The following LRRC7 variants were observed in gnomAD, a reference collection of about 807,000 sequenced individuals.
LRRC7 encodes leucine rich repeat containing 7.
LRRC7 carries 23 observed loss-of-function variants against 175.7 expected under a neutral mutation model. That is an observed-to-expected ratio of 0.13 (90% confidence interval 0.09 to 0.19). LRRC7 has a LOEUF of 0.19. LRRC7 is among the 10% of genes least tolerant of loss of function. The pLI is 1.00. For synonymous variants in LRRC7, 685 were observed against 680.9 expected (o/e 1.01, Z -0.09); for missense variants, 1,354 against 1,904.7 (o/e 0.71, Z 5.38).
chr1:69,898,220 G>A (rs1646033688), intron 7 of LRRC7, among the ~76,000 whole-genome samples: 1 of 152,150 alleles, frequency 6.6e-6, no homozygotes, highest in Non-Finnish European at 1.5e-5. Context: ...GGGAGATGAT[G>A]AATTTTGTTT....
At position 70,143,105 on chromosome 1, in the gene LRRC7, G is replaced by C. The variant is rs1451836638; in HGVS notation, c.*21218G>C. On this transcript the variant is annotated 3_prime_UTR_variant, in exon 27 of 27. Transcript: ENST00000651989. ...CATTTCAGCTCATATAATTCAGTTA[G>C]TGAAATATTTCACTCTTCTGTAAGT... 6.6e-6 allele frequency: 1 copy of C among 151,020 alleles called. No homozygotes were observed. Among genetic ancestry groups the C allele is most frequent in the Non-Finnish European group, 1.5e-5 (1 of 67,868 alleles). 9.4% of individuals were successfully genotyped at this position (151,020 alleles called of 1,614,324 possible). A position where few individuals can be genotyped will look rare whatever the true frequency, so the allele number is the denominator to read the frequency against.
chr1:69,638,584 A>G (rs932204422), intron 1 of LRRC7, among the ~76,000 whole-genome samples: 1 of 151,800 alleles, frequency 6.6e-6, no homozygotes, highest in Non-Finnish European at 1.5e-5. Context: ...AACCGAGAGT[A>G]TATCAATTAA....
chr1:69,633,601 C>T (rs1652855967), intron 1 of LRRC7, among the ~76,000 whole-genome samples: 1 of 151,770 alleles, frequency 6.6e-6, no homozygotes, highest in Non-Finnish European at 1.5e-5. Flanking sequence ...GCTAATTTTT[C>T]TATTTTTGGC....
At chr1:70,050,680 G>A (rs1047696256) in intron 22 of LRRC7, among the ~76,000 whole-genome samples, 1 of 151,798 alleles carries the variant, frequency 6.6e-6, no homozygotes, top group Non-Finnish European at 1.5e-5. Flanking sequence ...TTTTTCAGTA[G>A]CTCCTTTTAG....
At chr1:69,664,769 T>C (rs1031023322) in intron 1 of LRRC7, among the ~76,000 whole-genome samples, 10 of 152,292 alleles carry the variant, frequency 6.6e-5, no homozygotes, top group Admixed American at 4.6e-4. Context: ...TTTCACTTTG[T>C]TGATTGTATC....
At chr1:69,834,019 TA>T (rs1209851711) in intron 5 of LRRC7, among the ~76,000 whole-genome samples, 5 of 152,210 alleles carry the variant, frequency 3.3e-5, no homozygotes, top group African/African-American at 7.2e-5. Context: ...AATTTACTAA[TA>T]AAAAAATTAA....
intron 1 of LRRC7, among the ~76,000 whole-genome samples, chr1:69,655,317 T>A (rs1432378280): frequency 6.6e-6 from 1 of 152,082 alleles, no homozygotes; most frequent in Non-Finnish European, 1.5e-5. Context: ...CGTAGGCGGC[T>A]GATGAGATAG....
rs1216721512 is a variant in LRRC7, at chr1:69,589,115, G to GGGGTGT, written c.2+20475_2+20476insGGTGTG. 5.4e-3 allele frequency among the ~76,000 whole-genome samples: 776 copies of GGGGTGT among 142,456 alleles called. 2 individuals are homozygous for GGGGTGT. Among genetic ancestry groups the GGGGTGT allele is most frequent in the African/African-American group, 0.019 (728 of 38,516 alleles). 93.5% of individuals were successfully genotyped at this position (142,456 alleles called of 152,430 possible). On this transcript the variant is annotated intron_variant, in intron 1 of 26. Coordinates refer to ENST00000651989, the MANE Select transcript of LRRC7 (RefSeq NM_001370785.2). ...TTTTGTGTTACCACTTCATAAAAAG[G>GGGGTGT]GTGTGTGTGTGTGTGTGTGTGTGTG...
chr1:69,731,989 A>G (rs1667627694), intron 2 of LRRC7, among the ~76,000 whole-genome samples: 1 of 152,190 alleles, frequency 6.6e-6, no homozygotes, highest in Admixed American at 6.5e-5. Context: ...ACTAGTTAAT[A>G]TATTTAAAAT....
intron 7 of LRRC7, among the ~76,000 whole-genome samples, chr1:69,876,319 T>C (rs1243798905): frequency 6.6e-6 from 1 of 152,158 alleles, no homozygotes; most frequent in Non-Finnish European, 1.5e-5. Flanking sequence ...ATTATGATTA[T>C]TTTATCAGTT....
chr1:69,802,344 C>T (rs1353955370), intron 4 of LRRC7, among the ~76,000 whole-genome samples: 1 of 151,178 alleles, frequency 6.6e-6, no homozygotes, highest in Non-Finnish European at 1.5e-5. Flanking sequence ...TATTGTATTG[C>T]ATCTATATCT....
intron 21 of LRRC7, among the ~76,000 whole-genome samples, chr1:70,041,926 G>A (rs1659935612): frequency 6.6e-6 from 1 of 152,166 alleles, no homozygotes; most frequent in Admixed American, 6.5e-5. Flanking sequence ...GCCTATCCCA[G>A]ATAACAAAAA....
At chr1:70,093,918 T>A (rs544797874) in intron 25 of LRRC7, among the ~76,000 whole-genome samples, 8 of 152,184 alleles carry the variant, frequency 5.3e-5, no homozygotes, top group Non-Finnish European at 1.0e-4. Flanking sequence ...AGATAACTGA[T>A]GCCATGCTGT....
At chr1:69,783,324 G>A (rs1045881395) in intron 3 of LRRC7, among the ~76,000 whole-genome samples, 5 of 152,186 alleles carry the variant, frequency 3.3e-5, no homozygotes, top group African/African-American at 1.2e-4. Flanking sequence ...TGGTGACCCA[G>A]CTAGAGTGAG....
At chr1:69,809,696 C>T (rs754531063) in intron 4 of LRRC7, among the ~76,000 whole-genome samples, 2 of 152,116 alleles carry the variant, frequency 1.3e-5, no homozygotes, top group Admixed American at 6.6e-5. Flanking sequence ...TCAATAGATA[C>T]GGAAAAGACC....
At chr1:70,057,622 A>G (rs375724282) in intron 23 of LRRC7, among the ~76,000 whole-genome samples, 2 of 152,078 alleles carry the variant, frequency 1.3e-5, no homozygotes, top group East Asian at 3.9e-4. Context: ...TGTCTCTCTA[A>G]CTAAGCCATC....
chr1:70,039,375 C>T lies in LRRC7; in HGVS notation c.3551C>T (p.Pro1184Leu), dbSNP rs374397577. 5.6e-6 allele frequency: 9 copies of T among 1,613,928 alleles called. No homozygotes were observed. In the African/African-American group the frequency reaches 1.2e-4, roughly 22 times the overall value. Residue 1184 changes from proline (P) to leucine (L), a missense_variant, in exon 21 of 27, where the codon CCC becomes CTC. Pro to Leu is a moderately conservative substitution (Grantham distance 98). Around this residue, in one of 4 missense-constraint regions of LRRC7, gnomAD observed 1,032 missense variants for 1,227.2 expected, o/e 0.84. Transcript: ENST00000651989. ...CCCCCAACTGATAGGTACGGCAGAC[C>T]CCCATATAGGGGAGGGCTGGATCGC... ...ELPPTDRYGR[P>L]PYRGGLDRQS...
At chr1:69,672,000 G>A (rs947218695) in intron 1 of LRRC7, among the ~76,000 whole-genome samples, 3 of 152,060 alleles carry the variant, frequency 2.0e-5, no homozygotes, top group Admixed American at 6.6e-5. Context: ...TCTTATGAAG[G>A]CACTTTAAAA....
intron 17 of LRRC7, among the ~76,000 whole-genome samples, 156 bp from the exon 18 acceptor site, chr1:70,028,015 G>A (rs1658307867): frequency 6.6e-6 from 1 of 152,100 alleles, no homozygotes; most frequent in South Asian, 2.1e-4. Context: ...CTGAATATGA[G>A]AACACTATGC....
Sources: allele counts gnomAD v4.1 joint callset (sites outside exome capture counted in the v4.1 genomes callset), GRCh38; gene constraint gnomAD v4.1.1; regional missense constraint gnomAD v4.1.1; transcripts MANE v1.5; gene names NCBI Gene and HGNC (gene_info 2026-07-23, HGNC 2026-07-21).